The following RNASET2 variants were observed in gnomAD, a reference collection of about 807,000 sequenced individuals.
RNASET2 encodes ribonuclease 6.
RNASET2 carries 28 observed loss-of-function variants against 33.9 expected under a neutral mutation model. The ratio of observed to expected loss-of-function variants is 0.83; its 90% CI spans 0.61 to 1.13. The LOEUF is 1.13. RNASET2 is among the 50% of genes most tolerant of loss of function. The pLI is 0.00. For synonymous variants in RNASET2, 123 were observed against 121.0 expected, an observed-to-expected ratio of 1.02 and a Z score of -0.11; for missense variants, 330 against 319.9, an observed-to-expected ratio of 1.03 and a Z score of -0.24.
chr6:166,949,544 C>T (rs1386579441), intron 2 of RNASET2, among the ~76,000 whole-genome samples: 1 of 148,298 alleles, frequency 6.7e-6, no homozygotes, highest in Non-Finnish European at 1.5e-5. Context: ...TGATCAAGGG[C>T]ATAATCTGAG....
chr6:166,940,772 C>T (rs1312730901), intron 5 of RNASET2, among the ~76,000 whole-genome samples: 3 of 151,914 alleles, frequency 2.0e-5, no homozygotes, highest in Non-Finnish European at 4.4e-5. Flanking sequence ...AACGGTCAGT[C>T]ACCAATGCGA....
At position 166,955,223 on chromosome 6, in the gene RNASET2, GCACA is replaced by G. The variant is rs1248839726; in HGVS notation, c.86+870_86+873del. ...CACGCACACACGCACGCACACACGC[GCACA>G]CACGCACGCACGCACACACACGCAC... On this transcript the variant is annotated intron_variant, in intron 1 of 8. Coordinates refer to ENST00000508775, the MANE Select transcript of RNASET2 (RefSeq NM_003730.6). Among the ~76,000 whole-genome samples, 144 of 38,766 alleles carry G rather than the reference GCACA, an allele frequency of 3.7e-3. 1 individual carries two copies. The highest frequency in any genetic ancestry group is 0.018 in the Middle Eastern group (1 of 56). The allele number at this position is 38,766 out of a possible 152,430, so 25.4% of individuals were successfully genotyped here.
chr6:166,928,433 T>C lies in RNASET2; in HGVS notation c.*1155A>G, dbSNP rs1778340217. 7.2e-6 allele frequency among the ~76,000 whole-genome samples: 1 copy of C among 139,364 alleles called. No homozygotes were observed. Among genetic ancestry groups the C allele is most frequent in the Non-Finnish European group, 1.5e-5 (1 of 65,676 alleles). 91.4% of individuals were successfully genotyped at this position (139,364 alleles called of 152,430 possible). A position where few individuals can be genotyped will look rare whatever the true frequency, so the allele number is the denominator to read the frequency against. On this transcript the variant is annotated 3_prime_UTR_variant, in exon 9 of 9. Coordinates refer to ENST00000508775, the MANE Select transcript of RNASET2 (RefSeq NM_003730.6). ...GAGTAAAGCCGAATATTCACAGGCA[T>C]TGATACAGCTGTTTTTTTTTTTTTT...
intron 2 of RNASET2, among the ~76,000 whole-genome samples, chr6:166,951,284 G>A (rs1326942703): frequency 6.6e-6 from 1 of 152,224 alleles, no homozygotes; most frequent in African/African-American, 2.4e-5. Context: ...AGGTGTACTG[G>A]GTGGAACATG....
chr6:166,930,491 CCA>C (rs1329943816), intron 8 of RNASET2, among the ~76,000 whole-genome samples: 6 of 150,344 alleles, frequency 4.0e-5, no homozygotes, highest in South Asian at 2.1e-4. Flanking sequence ...ACGCACATGC[CCA>C]CACAGCACGT....
chr6:166,949,121 G>A (rs1011935517), intron 2 of RNASET2, among the ~76,000 whole-genome samples: 2 of 148,976 alleles, frequency 1.3e-5, no homozygotes, highest in African/African-American at 5.0e-5. Context: ...GGCTGAGGCA[G>A]GAGAATTGCT....
chr6:166,955,235 GCACGCACACACACGCACA>G (rs1413190471), intron 1 of RNASET2, among the ~76,000 whole-genome samples: 8 of 95,418 alleles, frequency 8.4e-5, no homozygotes, highest in Non-Finnish European at 1.2e-4. Context: ...ACACACGCAC[GCACGCACACACACGCACA>G]CACGCACACA....
Position 166,933,947 on chromosome 6 carries a change from T to C in RNASET2, c.492+144A>G. 1.3e-6 allele frequency: 1 copy of C among 746,540 alleles called. No homozygotes were observed. Among genetic ancestry groups the C allele is most frequent in the Admixed American group, 1.9e-5 (1 of 52,450 alleles). 46.2% of individuals were successfully genotyped at this position (746,540 alleles called of 1,614,324 possible). On this transcript the variant is annotated intron_variant, in intron 7 of 8. Transcript: ENST00000508775. This position sits in a 1 kb window ranked among gnomAD's most constrained non-coding sequence, Gnocchi z 4.1. ...CATGCGCAGGAAAATAAAATGCAAATAAAATCTGTTCACATGATAACATTT... is the reference window on the plus strand; with the variant it reads ...CATGCGCAGGAAAATAAAATGCAAACAAAATCTGTTCACATGATAACATTT...
intron 6 of RNASET2, among the ~76,000 whole-genome samples, chr6:166,938,147 C>T (rs1423778353): frequency 6.6e-6 from 1 of 152,242 alleles, no homozygotes; most frequent in Non-Finnish European, 1.5e-5. Context: ...AGCAGCAACA[C>T]AGAGGCTGTG....
chr6:166,955,359 ACACGCACACACAAACG>A (rs1779127728), intron 1 of RNASET2: 2 of 241,160 alleles, frequency 8.3e-6, no homozygotes, highest in African/African-American at 8.6e-5. Context: ...ACGCACACAC[ACACGCACACACAAACG>A]CACACGCACA....
chr6:166,948,477 A>C, intron 3 of RNASET2, 93 bp downstream of exon 3: 1 of 834,208 alleles, frequency 1.2e-6, no homozygotes, highest in Non-Finnish European at 2.1e-6. Context: ...CCTAAAAATA[A>C]AAAACAAGAA....
Position 166,929,921 on chromosome 6 carries a change from C to T in RNASET2, c.568-130G>A, listed in dbSNP as rs1778379656. On this transcript the variant is annotated intron_variant, in intron 8 of 8. Transcript: ENST00000508775. The stretch of plus-strand genomic sequence containing the variant: ...GGCTCCACACCACAGGTTCTAGGTT[C>T]CAAGAACGGACCCCTTCATTGAGCA... 6.9e-6 allele frequency: 6 copies of T among 865,824 alleles called. No homozygotes were observed. The South Asian group carries it at 8.5e-5, about 12-fold the overall frequency. The allele number at this position is 865,824 out of a possible 1,614,324, so 53.6% of individuals were successfully genotyped here.
Position 166,930,684 on chromosome 6 carries a change from C to T in RNASET2, c.567+360G>A, listed in dbSNP as rs188735142. 9.0e-4 allele frequency among the ~76,000 whole-genome samples: 135 copies of T among 149,866 alleles called. 1 individual carries two copies. The East Asian group carries it at 0.017, about 19-fold the overall frequency. On this transcript the variant is annotated intron_variant, in intron 8 of 8. Transcript: ENST00000508775. The stretch of plus-strand genomic sequence containing the variant: ...GCACATGCGCACATGTATACTCATG[C>T]GCATACAGCACATGCACACATGCAT...
At position 166,952,733 on chromosome 6, in the gene RNASET2, A is replaced by AGTCCAGTGCTGAGTGG; in HGVS notation, c.87-186_87-185insCCACTCAGCACTGGAC. 4.9e-6 allele frequency: 3 copies of AGTCCAGTGCTGAGTGG among 611,284 alleles called. No homozygotes were observed. In the East Asian group the frequency reaches 8.9e-5, roughly 18 times the overall value. 37.9% of individuals were successfully genotyped at this position (611,284 alleles called of 1,614,324 possible). On this transcript the variant is annotated intron_variant, in intron 1 of 8. Transcript: ENST00000508775. ...CGGTACACCCCTACACTAAGAAGGC[A>AGTCCAGTGCTGAGTGG]CGTGTGGTGGCGTCCAGTGCTGAGT...
At chr6:166,950,377 C>G (rs1052697448) in intron 2 of RNASET2, among the ~76,000 whole-genome samples, 5 of 152,196 alleles carry the variant, frequency 3.3e-5, no homozygotes, top group Non-Finnish European at 7.3e-5. Context: ...AACATTAAGT[C>G]TGCAAAACTG....
At chr6:166,937,541 C>T (rs1464196589) in intron 6 of RNASET2, among the ~76,000 whole-genome samples, 1 of 152,144 alleles carries the variant, frequency 6.6e-6, no homozygotes, top group South Asian at 2.1e-4. Context: ...TTATTAAAAA[C>T]CTAAGATTAA....
intron 7 of RNASET2, chr6:166,932,686 A>G (rs1778476535): frequency 6.6e-6 from 1 of 152,250 alleles, no homozygotes; most frequent in African/African-American, 2.4e-5. Context: ...GACTCCGAGT[A>G]TCCACCGTGC....
chr6:166,955,830 C>T (rs779259935), intron 1 of RNASET2: 14 of 905,738 alleles, frequency 1.5e-5, no homozygotes, highest in South Asian at 5.1e-5. Flanking sequence ...CTCAGGACTC[C>T]CCTCATCGCA....
intron 6 of RNASET2, chr6:166,934,451 C>A (rs1013450644): frequency 2.9e-6 from 1 of 339,580 alleles, no homozygotes; most frequent in Non-Finnish European, 5.5e-6. Context: ...GTTTGCCACA[C>A]CTGCTTTAAA....
Sources: allele counts gnomAD v4.1 joint callset (sites outside exome capture counted in the v4.1 genomes callset), GRCh38; gene constraint gnomAD v4.1.1; non-coding constraint Gnocchi (gnomAD v3.1); transcripts MANE v1.5; gene names NCBI Gene and HGNC (gene_info 2026-07-23, HGNC 2026-07-21).